Variants in THSD7B observed in about 807,000 individuals in gnomAD.
The protein encoded by THSD7B is thrombospondin type-1 domain-containing protein 7B.
In THSD7B, 138 loss-of-function variants were observed where a neutral mutation model predicts 213.6. The ratio of observed to expected loss-of-function variants is 0.65; its 90% CI spans 0.56 to 0.74. The LOEUF (loss-of-function observed/expected upper bound fraction) is 0.74, where lower values mean the gene tolerates loss of function less well. Among genes scored for constraint, THSD7B ranks in the 30% least tolerant of loss-of-function variants. The pLI is 0.00. For missense variants in THSD7B, 1,931 were observed against 1,991.5 expected (o/e 0.97, Z 0.58); for synonymous variants, 742 against 687.0 (o/e 1.08, Z -1.25).
chr2:137,637,665 T>G (rs958029943), intron 20 of THSD7B, among the ~76,000 whole-genome samples: 1 of 152,248 alleles, frequency 6.6e-6, no homozygotes, highest in Non-Finnish European at 1.5e-5. Flanking sequence ...AGCATCATTT[T>G]TTTCTTTTGC....
chr2:137,144,520 T>G (rs995327240), intron 5 of THSD7B, among the ~76,000 whole-genome samples: 3 of 152,018 alleles, frequency 2.0e-5, no homozygotes, highest in Non-Finnish European at 4.4e-5. Flanking sequence ...ATAGGGGAAT[T>G]TAACTTAATA....
intron 12 of THSD7B, among the ~76,000 whole-genome samples, chr2:137,393,714 T>G (rs1170303444): frequency 7.1e-6 from 1 of 141,126 alleles, no homozygotes; most frequent in South Asian, 2.4e-4. Context: ...TTTCTAGCTC[T>G]AGATCCCTGA....
At chr2:137,000,938 T>C (rs776175496) in intron 2 of THSD7B, among the ~76,000 whole-genome samples, 1 of 152,108 alleles carries the variant, frequency 6.6e-6, no homozygotes, top group Admixed American at 6.6e-5. Flanking sequence ...ATTTGAGTAA[T>C]GTTTGCTTAT....
At chr2:137,230,472 C>T (rs1681610876) in intron 7 of THSD7B, among the ~76,000 whole-genome samples, 1 of 152,140 alleles carries the variant, frequency 6.6e-6, no homozygotes, top group Admixed American at 6.6e-5. Context: ...GAACTTCAGA[C>T]TGGCTGTCAA....
intron 2 of THSD7B, among the ~76,000 whole-genome samples, chr2:136,926,305 G>C (rs1290738288): frequency 6.6e-6 from 1 of 151,606 alleles, no homozygotes; most frequent in East Asian, 1.9e-4. Context: ...CTGACTCCCT[G>C]CCTTTTCTGG....
chr2:136,895,032 G>T (rs1301780309), intron 2 of THSD7B, among the ~76,000 whole-genome samples: 2 of 152,172 alleles, frequency 1.3e-5, no homozygotes, highest in Non-Finnish European at 2.9e-5. Context: ...ACAAACCTGG[G>T]TTTGAGCTTA....
intron 7 of THSD7B, among the ~76,000 whole-genome samples, chr2:137,190,142 A>G (rs1680628615): frequency 6.6e-6 from 1 of 152,130 alleles, no homozygotes; most frequent in Non-Finnish European, 1.5e-5. Flanking sequence ...CTTCCGCTGG[A>G]TGTGACTAAC....
intron 15 of THSD7B, among the ~76,000 whole-genome samples, chr2:137,552,130 G>A (rs575786991): frequency 6.6e-6 from 1 of 152,248 alleles, no homozygotes; most frequent in African/African-American, 2.4e-5. Context: ...TTTACTGAAA[G>A]ACTTTTTGAC....
chr2:137,496,771 C>A (rs1480342841), intron 15 of THSD7B, among the ~76,000 whole-genome samples: 1 of 152,136 alleles, frequency 6.6e-6, no homozygotes, highest in African/African-American at 2.4e-5. Flanking sequence ...GATTTAATTT[C>A]TTTCTGTAGA....
At chr2:137,585,275 C>G (rs575631946) in intron 17 of THSD7B, among the ~76,000 whole-genome samples, 56 of 151,540 alleles carry the variant, frequency 3.7e-4, no homozygotes, top group African/African-American at 1.3e-3. Context: ...TTTTTTTGAT[C>G]TTTTCAAAAA....
intron 1 of THSD7B, among the ~76,000 whole-genome samples, chr2:136,859,843 T>C (rs1683232323): frequency 6.6e-6 from 1 of 152,030 alleles, no homozygotes; most frequent in Non-Finnish European, 1.5e-5. Flanking sequence ...CTGAGACACA[T>C]TAGCTGAACT....
At chr2:137,329,219 T>G (rs942941519) in intron 12 of THSD7B, among the ~76,000 whole-genome samples, 3 of 152,104 alleles carry the variant, frequency 2.0e-5, no homozygotes, top group African/African-American at 7.2e-5. Context: ...GCTGAGGTGG[T>G]CTCAGATGGA....
chr2:136,903,770 C>T (rs1205487271), intron 2 of THSD7B, among the ~76,000 whole-genome samples: 1 of 152,116 alleles, frequency 6.6e-6, no homozygotes, highest in Non-Finnish European at 1.5e-5. Flanking sequence ...GTTAAGAAAA[C>T]CCTTTACCAA....
At chr2:136,816,647 G>A (rs1323555604) in intron 1 of THSD7B, among the ~76,000 whole-genome samples, 2 of 152,280 alleles carry the variant, frequency 1.3e-5, no homozygotes, top group Non-Finnish European at 2.9e-5. Context: ...GATTTCTTGA[G>A]TGAAAGAATA....
At position 137,239,366 on chromosome 2, in the gene THSD7B, A is replaced by T. The variant is rs1681849296; in HGVS notation, c.2151-3091A>T. On this transcript the variant is annotated intron_variant, in intron 9 of 27. Coordinates refer to ENST00000409968, the MANE Select transcript of THSD7B (RefSeq NM_001316349.2). Reference sequence around the variant, plus strand: ...GGGAAAACAGACACATAGTTCACCAATATAAAAAGGTGAACAGTTGGAAGC... The same window carrying T: ...GGGAAAACAGACACATAGTTCACCATTATAAAAAGGTGAACAGTTGGAAGC... 5.3e-5 allele frequency among the ~76,000 whole-genome samples: 8 copies of T among 152,282 alleles called. 1 individual carries two copies. In the South Asian group the frequency reaches 1.7e-3, roughly 32 times the overall value.
chr2:136,826,974 C>T (rs1213353533), intron 1 of THSD7B, among the ~76,000 whole-genome samples: 1 of 152,184 alleles, frequency 6.6e-6, no homozygotes, highest in South Asian at 2.1e-4. Context: ...TTTCTGACTT[C>T]TCTTACCTAA....
chr2:137,190,434 G>A (rs1304249123), intron 7 of THSD7B, among the ~76,000 whole-genome samples: 2 of 152,234 alleles, frequency 1.3e-5, no homozygotes, highest in South Asian at 2.1e-4. Flanking sequence ...CATCTGCTCC[G>A]AGGTGTCTCT....
intron 2 of THSD7B, among the ~76,000 whole-genome samples, chr2:136,952,212 C>A (rs571321340): frequency 6.6e-6 from 1 of 151,908 alleles, no homozygotes; most frequent in Non-Finnish European, 1.5e-5. Flanking sequence ...AGCCAACCCC[C>A]ACCCCCCCAA....
intron 1 of THSD7B, among the ~76,000 whole-genome samples, chr2:136,837,670 T>A (rs1682865663): frequency 6.6e-6 from 1 of 152,242 alleles, no homozygotes; most frequent in Non-Finnish European, 1.5e-5. Flanking sequence ...ATTGTGTGTG[T>A]TATTCATCAC....
Sources: gnomAD v4.1 joint callset for allele counts (sites outside exome capture counted in the v4.1 genomes callset) on GRCh38, gnomAD v4.1.1 for gene constraint, MANE v1.5 for transcripts, NCBI Gene and HGNC (gene_info 2026-07-23, HGNC 2026-07-21) for gene names.